Variants in TPRG1 observed in about 807,000 individuals in gnomAD.
TPRG1 encodes the protein tumor protein p63-regulated gene 1 protein.
A neutral mutation model predicts 29.3 loss-of-function variants in TPRG1; 29 were observed. The ratio of observed to expected loss-of-function variants is 0.99; its 90% CI spans 0.74 to 1.35. TPRG1 has a LOEUF of 1.35. Among genes scored for constraint, TPRG1 ranks in the 40% most tolerant of loss-of-function variants. The pLI, the probability that TPRG1 is intolerant of heterozygous loss-of-function variation, is 0.00. For missense variants in TPRG1, 327 were observed against 335.0 expected (o/e 0.98, Z 0.19); for synonymous variants, 130 against 116.8 (o/e 1.11, Z -0.73).
At chr3:189,162,811 C>A (rs1476797855) in intron 5 of TPRG1, among the ~76,000 whole-genome samples, 1 of 152,094 alleles carries the variant, frequency 6.6e-6, no homozygotes, top group Non-Finnish European at 1.5e-5. Context: ...CCAATTTTCC[C>A]ACCTATAAAA....
chr3:189,110,035 T>A (rs1205763710), intron 1 of TPRG1, among the ~76,000 whole-genome samples: 2 of 152,212 alleles, frequency 1.3e-5, no homozygotes, highest in African/African-American at 2.4e-5. Context: ...GTACCACAGT[T>A]GTGTCCAGCT....
At chr3:189,103,025 G>A (rs1719384210) in intron 1 of TPRG1, among the ~76,000 whole-genome samples, 1 of 152,026 alleles carries the variant, frequency 6.6e-6, no homozygotes, top group African/African-American at 2.4e-5. Flanking sequence ...GTTTATTTTG[G>A]TGCTTCGTCT....
At chr3:189,289,532 C>A in intron 4 of TPRG1, among the ~76,000 whole-genome samples, 1 of 151,996 alleles carries the variant, frequency 6.6e-6, no homozygotes, top group Admixed American at 6.6e-5. Context: ...CACTTGTTGA[C>A]TACGTAGTCT....
chr3:189,037,000 C>T (rs1339452356), intron 4 of TPRG1, among the ~76,000 whole-genome samples: 1 of 149,806 alleles, frequency 6.7e-6, no homozygotes, highest in Non-Finnish European at 1.5e-5. Context: ...CCACCAAAAT[C>T]CGAGGCCCAA....
chr3:189,263,798 G>C (rs1020332476), intron 4 of TPRG1, among the ~76,000 whole-genome samples: 5 of 152,334 alleles, frequency 3.3e-5, no homozygotes, highest in African/African-American at 1.2e-4. Flanking sequence ...AAAATCAGAA[G>C]TGCATCTTGA....
chr3:189,248,591 T>G (rs1157786056), intron 4 of TPRG1, among the ~76,000 whole-genome samples: 2 of 151,320 alleles, frequency 1.3e-5, no homozygotes, highest in East Asian at 3.9e-4. Flanking sequence ...TTTCTGACTC[T>G]TAAATTTTCT....
chr3:189,262,790 G>T (rs1713358744), intron 4 of TPRG1, among the ~76,000 whole-genome samples: 1 of 152,180 alleles, frequency 6.6e-6, no homozygotes, highest in South Asian at 2.1e-4. Flanking sequence ...TTGGGGCTGG[G>T]GGATGCTGTG....
intron 4 of TPRG1, among the ~76,000 whole-genome samples, chr3:189,259,275 C>G (rs1214354580): frequency 6.6e-6 from 1 of 151,822 alleles, no homozygotes; most frequent in Non-Finnish European, 1.5e-5. Context: ...CCTTGGGCTT[C>G]CCAGGTGAGG....
At chr3:189,218,106 A>C in intron 3 of TPRG1, 18 of 855,620 alleles carry the variant, frequency 2.1e-5, no homozygotes, top group Non-Finnish European at 2.4e-5. Context: ...CTCACCAACC[A>C]CACAAGATTC....
intron 3 of TPRG1, among the ~76,000 whole-genome samples, chr3:189,019,300 G>T (rs1363218224): frequency 1.3e-5 from 2 of 152,062 alleles, no homozygotes; most frequent in South Asian, 2.1e-4. Flanking sequence ...GGGCATCCCT[G>T]TCTTGTGCCA....
Position 189,305,664 on chromosome 3 carries a change from T to C in TPRG1, c.480-4722T>C, listed in dbSNP as rs185142594. On this transcript the variant is annotated intron_variant, in intron 4 of 5. Transcript: ENST00000345063. ...TGAATCTGAGTCACTGAGTGAAACATGTAATTAACATGACTAAAGTAAGAA... is the reference window on the plus strand; with the variant it reads ...TGAATCTGAGTCACTGAGTGAAACACGTAATTAACATGACTAAAGTAAGAA... 2.7e-3 allele frequency among the ~76,000 whole-genome samples: 416 copies of C among 152,348 alleles called. 1 individual carries two copies. Among genetic ancestry groups the C allele is most frequent in the Non-Finnish European group, 4.3e-3 (293 of 68,036 alleles).
intron 4 of TPRG1, among the ~76,000 whole-genome samples, chr3:189,251,840 A>T (rs538752889): frequency 6.6e-6 from 1 of 152,152 alleles, no homozygotes; most frequent in East Asian, 1.9e-4. Flanking sequence ...GACGGGCAGG[A>T]GACAGATGCC....
intron 4 of TPRG1, among the ~76,000 whole-genome samples, chr3:189,244,335 C>T (rs999131369): frequency 2.0e-5 from 3 of 152,010 alleles, no homozygotes; most frequent in Admixed American, 2.0e-4. Flanking sequence ...AGGAGAATTG[C>T]TTGAACCTGG....
chr3:189,009,688 A>C (rs368408516), intron 3 of TPRG1, among the ~76,000 whole-genome samples: 13 of 152,120 alleles, frequency 8.5e-5, no homozygotes, highest in African/African-American at 3.1e-4. Flanking sequence ...TTCTTTCCCA[A>C]TAGAAATAAA....
chr3:189,207,718 C>T (rs980186021), intron 2 of TPRG1, 124 bp downstream of exon 2: 41 of 863,068 alleles, frequency 4.8e-5, no homozygotes, highest in Non-Finnish European at 6.3e-5. Context: ...TCATAATAAT[C>T]ATGAAGTAGC....
At chr3:189,232,661 G>A (rs2108912538) in intron 3 of TPRG1, among the ~76,000 whole-genome samples, 1 of 152,282 alleles carries the variant, frequency 6.6e-6, no homozygotes, top group South Asian at 2.1e-4. Context: ...GATAGTGGGG[G>A]GAAAAGTGAA....
At chr3:189,142,462 G>A (rs373426257) in intron 3 of TPRG1, among the ~76,000 whole-genome samples, 2 of 152,140 alleles carry the variant, frequency 1.3e-5, no homozygotes, top group African/African-American at 4.8e-5. Context: ...CATTTTCAAC[G>A]ATGGGTGGTT....
intron 5 of TPRG1, among the ~76,000 whole-genome samples, chr3:189,158,159 G>A (rs1726950006): frequency 6.6e-6 from 1 of 152,108 alleles, no homozygotes; most frequent in Admixed American, 6.5e-5. Flanking sequence ...ACTTAAGACA[G>A]GAAATAGAAA....
At chr3:189,191,540 G>A (rs1013540092) in intron 1 of TPRG1, among the ~76,000 whole-genome samples, 2 of 152,156 alleles carry the variant, frequency 1.3e-5, no homozygotes, top group African/African-American at 4.8e-5. Context: ...CCTAACCCAG[G>A]TGGAGTGGAA....
Sources: allele counts gnomAD v4.1 joint callset (sites outside exome capture counted in the v4.1 genomes callset), GRCh38; gene constraint gnomAD v4.1.1; transcripts MANE v1.5; gene names NCBI Gene and HGNC (gene_info 2026-07-23, HGNC 2026-07-21).